Variants in PNLIPRP3 observed in about 807,000 individuals in gnomAD.
The protein encoded by PNLIPRP3 is pancreatic lipase related protein 3, also known as pancreatic lipase-related protein 3.
In PNLIPRP3, 58 loss-of-function variants were observed where a neutral mutation model predicts 52.8. That is an observed-to-expected ratio of 1.10 (90% confidence interval 0.89 to 1.37). The LOEUF is 1.37. Among genes scored for constraint, PNLIPRP3 ranks in the 40% most tolerant of loss-of-function variants. The pLI is 0.00. For missense variants in PNLIPRP3, 593 were observed against 561.6 expected (o/e 1.06, Z -0.57); for synonymous variants, 192 against 185.0 (o/e 1.04, Z -0.31).
At chr10:116,453,738 C>T (rs905819506) in intron 4 of PNLIPRP3, among the ~76,000 whole-genome samples, 4 of 152,102 alleles carry the variant, frequency 2.6e-5, no homozygotes, top group African/African-American at 9.7e-5. Flanking sequence ...TTTGCCTTCC[C>T]CGATGATTCT....
At position 116,450,818 on chromosome 10, in the gene PNLIPRP3, GT is replaced by G. The variant is rs113847600; in HGVS notation, c.457-4903del. Among the ~76,000 whole-genome samples, 406 of 152,212 alleles carry G rather than the reference GT, an allele frequency of 2.7e-3. 3 individuals carry two copies. Among genetic ancestry groups the G allele is most frequent in the African/African-American group, 9.4e-3 (390 of 41,538 alleles). On this transcript the variant is annotated intron_variant, in intron 4 of 11. Coordinates refer to ENST00000369230, the MANE Select transcript of PNLIPRP3 (RefSeq NM_001011709.3). ...ACACAAATAAATGGAAAAACATCCT[GT>G]GTTCATGAATCAAAAGAGTCAATAT...
At chr10:116,452,532 A>G (rs527936440) in intron 4 of PNLIPRP3, among the ~76,000 whole-genome samples, 19 of 152,312 alleles carry the variant, frequency 1.2e-4, no homozygotes, top group Admixed American at 3.9e-4. Context: ...AGCCCCTCCC[A>G]TCACAAGCCC....
intron 4 of PNLIPRP3, among the ~76,000 whole-genome samples, chr10:116,448,858 A>T (rs949240804): frequency 6.6e-6 from 1 of 152,078 alleles, no homozygotes; most frequent in East Asian, 1.9e-4. Context: ...TCTACTAAAA[A>T]TACAAAAATT....
chr10:116,429,143 A>G (rs1252999944), intron 1 of PNLIPRP3, among the ~76,000 whole-genome samples: 1 of 152,154 alleles, frequency 6.6e-6, no homozygotes, highest in East Asian at 1.9e-4. Flanking sequence ...TGATGCCACA[A>G]GCAGAATATT....
At chr10:116,444,608 T>C (rs1354129355) in intron 4 of PNLIPRP3, 95 bp downstream of exon 4, 4 of 1,245,898 alleles carry the variant, frequency 3.2e-6, no homozygotes, top group Non-Finnish European at 4.6e-6. Context: ...TTTATTAGCT[T>C]AGACAGGTAC....
intron 7 of PNLIPRP3, 124 bp downstream of exon 7, chr10:116,461,414 G>A: frequency 1.7e-6 from 2 of 1,209,566 alleles, no homozygotes; most frequent in Non-Finnish European, 2.3e-6. Context: ...AAACACAGTT[G>A]CATATAAGAA....
At chr10:116,455,922 A>G in intron 5 of PNLIPRP3, 92 bp downstream of exon 5, 1 of 871,016 alleles carries the variant, frequency 1.1e-6, no homozygotes, top group Non-Finnish European at 1.8e-6. Flanking sequence ...ACTGCAGAAG[A>G]AAATATAAGA....
At chr10:116,443,366 G>A (rs997211971) in intron 3 of PNLIPRP3, among the ~76,000 whole-genome samples, 192 bp downstream of exon 3, 2 of 151,782 alleles carry the variant, frequency 1.3e-5, no homozygotes, top group African/African-American at 4.8e-5. Flanking sequence ...AGATTACAAG[G>A]GAAGCAAATT....
intron 4 of PNLIPRP3, among the ~76,000 whole-genome samples, chr10:116,446,657 C>A (rs1398336100): frequency 6.6e-6 from 1 of 152,146 alleles, no homozygotes; most frequent in Non-Finnish European, 1.5e-5. Flanking sequence ...AGACCTGGAT[C>A]CTTCTTTCTC....
intron 7 of PNLIPRP3, among the ~76,000 whole-genome samples, chr10:116,461,720 T>C (rs745507693): frequency 2.6e-5 from 4 of 152,062 alleles, no homozygotes; most frequent in Non-Finnish European, 5.9e-5. Flanking sequence ...AATAAAGCAT[T>C]GAAGGGGAAT....
chr10:116,470,417 G>A (rs895104401), intron 9 of PNLIPRP3, among the ~76,000 whole-genome samples: 1 of 151,850 alleles, frequency 6.6e-6, no homozygotes, highest in Non-Finnish European at 1.5e-5. Context: ...GCAGAGAGAA[G>A]GAAGACCAGC....
chr10:116,428,201 T>C, intron 1 of PNLIPRP3, 140 bp downstream of exon 1: 1 of 621,896 alleles, frequency 1.6e-6, no homozygotes, highest in Non-Finnish European at 2.8e-6. Flanking sequence ...TATGAATATG[T>C]TTAAAATATT....
intron 7 of PNLIPRP3, among the ~76,000 whole-genome samples, chr10:116,461,741 G>A (rs1467558274): frequency 1.3e-5 from 2 of 152,138 alleles, no homozygotes; most frequent in African/African-American, 4.8e-5. Context: ...ATGATGTGTT[G>A]GTGACAGTGA....
intron 4 of PNLIPRP3, among the ~76,000 whole-genome samples, chr10:116,447,115 T>C (rs1342438857): frequency 6.6e-6 from 1 of 152,174 alleles, no homozygotes; most frequent in Non-Finnish European, 1.5e-5. Flanking sequence ...AGATCCCATG[T>C]TCTCCTTGGG....
chr10:116,463,108 AT>A (rs1368479433), intron 7 of PNLIPRP3, among the ~76,000 whole-genome samples: 1 of 152,254 alleles, frequency 6.6e-6, no homozygotes, highest in Non-Finnish European at 1.5e-5. Context: ...TTTAATAAAA[AT>A]GGATGATGCC....
In PNLIPRP3 at chr10:116,444,527, A is replaced by AT. The variant is rs5788162; in HGVS notation, c.456+23dup. On this transcript the variant is annotated intron_variant, in intron 4 of 11. Transcript: ENST00000369230. ...GATGTTCTCATGGTAAGAAGAGTTG[A>AT]TTTTTTTTTAATTATATTGAATTGG... 1,025 of 1,596,044 alleles carry AT rather than the reference A, an allele frequency of 6.4e-4. 6 individuals are homozygous for AT. Among genetic ancestry groups the AT allele is most frequent in the South Asian group, 5.0e-3 (440 of 87,618 alleles).
intron 4 of PNLIPRP3, among the ~76,000 whole-genome samples, chr10:116,454,238 C>T (rs1198806139): frequency 1.3e-5 from 2 of 152,092 alleles, no homozygotes; most frequent in African/African-American, 4.8e-5. Context: ...CCTGCTTCAG[C>T]TTACTGAGTA....
At chr10:116,453,742 T>C (rs1348646791) in intron 4 of PNLIPRP3, among the ~76,000 whole-genome samples, 1 of 152,158 alleles carries the variant, frequency 6.6e-6, no homozygotes, top group Non-Finnish European at 1.5e-5. Context: ...CCTTCCCCGA[T>C]GATTCTAAGC....
intron 7 of PNLIPRP3, among the ~76,000 whole-genome samples, chr10:116,463,461 T>A (rs1223464764): frequency 6.6e-6 from 1 of 152,160 alleles, no homozygotes; most frequent in Non-Finnish European, 1.5e-5. Flanking sequence ...CTGGATTTCA[T>A]AATATTGCAA....
Sources: allele counts gnomAD v4.1 joint callset (sites outside exome capture counted in the v4.1 genomes callset), GRCh38; gene constraint gnomAD v4.1.1; transcripts MANE v1.5; gene names NCBI Gene and HGNC (gene_info 2026-07-23, HGNC 2026-07-21).